The following PCDHGB1 variants were observed in gnomAD, a reference collection of about 807,000 sequenced individuals.
PCDHGB1 encodes protocadherin gamma subfamily B, 1, also known as protocadherin gamma-B1.
A neutral mutation model predicts 56.6 loss-of-function variants in PCDHGB1; 34 were observed. The observed-to-expected ratio is 0.60, with a 90% CI of 0.46 to 0.80. PCDHGB1 has a LOEUF of 0.80. Ranked by LOEUF, PCDHGB1 falls within the 30% of genes least tolerant of loss-of-function variation. The pLI is 0.00. For synonymous variants in PCDHGB1, 561 were observed against 505.9 expected, an observed-to-expected ratio of 1.11 and a Z score of -1.46; for missense variants, 1,278 against 1,204.6, an observed-to-expected ratio of 1.06 and a Z score of -0.90.
At position 141,403,421 on chromosome 5, in the gene PCDHGB1, G is replaced by A. The variant is rs773369451; in HGVS notation, c.2409+50752G>A. ...TGGAGCACGTTATCCACTTCCAGAA[G>A]CTATTGATCCGGATGTTGGCGTGAA... On this transcript the variant is annotated intron_variant, in intron 1 of 3. Coordinates refer to ENST00000523390, the MANE Select transcript of PCDHGB1 (RefSeq NM_018922.3). 11 of 1,614,038 alleles carry A rather than the reference G, an allele frequency of 6.8e-6. No individual in the cohort carries two copies. In the East Asian group the frequency reaches 2.5e-4, roughly 36 times the overall value.
rs537334679 is a variant in PCDHGB1 at position 141,413,479 on chromosome 5, C to G, written c.2409+60810C>G. ...GATAGACCGGGAGGAGCTCTGCGCTCAGAGCGCGCGGTGCGTGGTGAGTTT... is the reference window on the plus strand; with the variant it reads ...GATAGACCGGGAGGAGCTCTGCGCTGAGAGCGCGCGGTGCGTGGTGAGTTT... On this transcript the variant is annotated intron_variant, in intron 1 of 3. Coordinates refer to ENST00000523390, the MANE Select transcript of PCDHGB1 (RefSeq NM_018922.3). 4.3e-6 allele frequency: 7 copies of G among 1,614,084 alleles called. No individual in the cohort carries two copies. In the African/African-American group the frequency reaches 6.7e-5, roughly 15 times the overall value.
At position 141,485,162 on chromosome 5, in the gene PCDHGB1, C is replaced by A. The variant is rs759021453; in HGVS notation, c.2410-9645C>A. The A allele has an allele frequency of 8.7e-6, 14 of 1,602,188 alleles. No individual in the cohort carries two copies. The Admixed American group carries it at 2.0e-4, about 23-fold the overall frequency. ...GTCTCAGGAGCAAGTAGAGAATTAGCGGGCGGCAGCAATGCTCCGCAAGGT... is the reference window on the plus strand; with the variant it reads ...GTCTCAGGAGCAAGTAGAGAATTAGAGGGCGGCAGCAATGCTCCGCAAGGT... On this transcript the variant is annotated intron_variant, in intron 1 of 3. Transcript: ENST00000523390. The surrounding 1 kb of genome is among the most constrained non-coding windows in gnomAD (Gnocchi z 5.7).
intron 1 of PCDHGB1, chr5:141,384,675 G>A: frequency 6.2e-7 from 1 of 1,614,216 alleles, no homozygotes; most frequent in Non-Finnish European, 8.5e-7. Flanking sequence ...CCAAGGTGGT[G>A]GCGGTGGACA....
chr5:141,484,750 G>GTATA (rs545232987), intron 1 of PCDHGB1, among the ~76,000 whole-genome samples: 1 of 149,818 alleles, frequency 6.7e-6, no homozygotes, highest in Non-Finnish European at 1.5e-5. Context: ...GAAAAAAAAT[G>GTATA]TATATATATA....
At chr5:141,409,919 G>T (rs774277848) in intron 1 of PCDHGB1, 1 of 1,613,346 alleles carries the variant, frequency 6.2e-7, no homozygotes, top group Non-Finnish European at 8.5e-7. Context: ...TGACGGCTCC[G>T]CGTTCTTCGA....
intron 3 of PCDHGB1, among the ~76,000 whole-genome samples, chr5:141,507,790 A>C (rs922507228): frequency 5.9e-5 from 9 of 152,188 alleles, no homozygotes; most frequent in Admixed American, 2.6e-4. Context: ...ACCCTCGTCT[A>C]AGCCTGCGCC....
chr5:141,364,403 G>C, intron 1 of PCDHGB1: 6 of 1,608,570 alleles, frequency 3.7e-6, no homozygotes, highest in Non-Finnish European at 5.1e-6. Context: ...GACGCTGTGC[G>C]AGCCAGGATC....
At chr5:141,426,231 C>A in intron 1 of PCDHGB1, 1 of 158,042 alleles carries the variant, frequency 6.3e-6, no homozygotes, top group Non-Finnish European at 1.4e-5. Flanking sequence ...ATTTTAAAAG[C>A]ACTTTGTGAA....
intron 1 of PCDHGB1, chr5:141,420,103 G>C (rs754672450): frequency 4.3e-6 from 7 of 1,613,990 alleles, no homozygotes; most frequent in Non-Finnish European, 2.5e-6. Context: ...AGGGAACGTT[G>C]CCCTATGCCT....
chr5:141,413,387 T>G (rs902208287), intron 1 of PCDHGB1: 1 of 1,613,908 alleles, frequency 6.2e-7, no homozygotes, highest in Non-Finnish European at 8.5e-7. Context: ...GTCCGCATAG[T>G]CTCCAGAGGT....
intron 1 of PCDHGB1, chr5:141,398,604 T>A: frequency 6.2e-7 from 1 of 1,614,048 alleles, no homozygotes; most frequent in Non-Finnish European, 8.5e-7. Flanking sequence ...TAGCAGAAGA[T>A]GCAGATATTG....
chr5:141,371,456 A>T (rs755481962), intron 1 of PCDHGB1: 2 of 1,613,902 alleles, frequency 1.2e-6, no homozygotes, highest in African/African-American at 2.7e-5. Flanking sequence ...CTGAATCCCA[A>T]CATATACAAG....
At chr5:141,395,222 AG>A (rs2093199234) in intron 1 of PCDHGB1, 1 of 1,611,488 alleles carries the variant, frequency 6.2e-7, no homozygotes, top group African/African-American at 1.3e-5. Context: ...ATAAGAATGA[AG>A]CTGATCATGG....
At chr5:141,423,193 T>A in intron 1 of PCDHGB1, 2 of 1,613,564 alleles carry the variant, frequency 1.2e-6, no homozygotes, top group Non-Finnish European at 1.7e-6. Context: ...GCCCCCTCTC[T>A]CGGCCACCGT....
intron 1 of PCDHGB1, among the ~76,000 whole-genome samples, chr5:141,364,008 C>T (rs553317478): frequency 3.3e-5 from 5 of 152,194 alleles, no homozygotes; most frequent in African/African-American, 9.6e-5. Context: ...TCATAAACAA[C>T]GCTACACAGT....
At position 141,491,222 on chromosome 5, in the gene PCDHGB1, C is replaced by A. The variant is rs1185734506; in HGVS notation, c.2410-3585C>A. 6.2e-7 allele frequency: 1 copy of A among 1,614,268 alleles called. No homozygotes were observed. Among genetic ancestry groups the A allele is most frequent in the East Asian group, 2.2e-5 (1 of 44,892 alleles). On this transcript the variant is annotated intron_variant, in intron 1 of 3. Transcript: ENST00000523390. This position sits in a 1 kb window ranked among gnomAD's most constrained non-coding sequence, Gnocchi z 6.9. Reference sequence around the variant, plus strand: ...GACCCTTCACTCTCCTCCACAGCCACAGTGCTGCTGGTTCTGGAGGATGAG... The same window carrying A: ...GACCCTTCACTCTCCTCCACAGCCAAAGTGCTGCTGGTTCTGGAGGATGAG...
At position 141,489,586 on chromosome 5, in the gene PCDHGB1, C is replaced by T; in HGVS notation, c.2410-5221C>T. 1 of 1,614,082 alleles carries T rather than the reference C, an allele frequency of 6.2e-7. No individual in the cohort carries two copies. The highest frequency in any genetic ancestry group is 8.5e-7 in the Non-Finnish European group (1 of 1,179,988). On this transcript the variant is annotated intron_variant, in intron 1 of 3. Coordinates refer to ENST00000523390, the MANE Select transcript of PCDHGB1 (RefSeq NM_018922.3). This position sits in a 1 kb window ranked among gnomAD's most constrained non-coding sequence, Gnocchi z 4.5. ...GGTGGTGACTGAACACCCCCTGGAG[C>T]TAATCCGTGTAGAGGTAGAGATCCT...
chr5:141,455,466 A>G (rs1253494886), intron 1 of PCDHGB1, among the ~76,000 whole-genome samples: 1 of 152,164 alleles, frequency 6.6e-6, no homozygotes, highest in East Asian at 1.9e-4. Flanking sequence ...AGCCAGGTAT[A>G]TATGCAGAGG....
Position 141,351,139 on chromosome 5 carries a change from T to C in PCDHGB1, c.879T>C (p.Asn293=). The change falls in exon 1 of 4, where the codon AAT becomes AAC. Residue 293 remains asparagine, a synonymous_variant. Transcript: ENST00000523390. ...CCAGCCTCTTCAATCTCAATCCAAA[T>C]ACTGGCGACATCACAACCAATGGCA... ...ISTSLFNLNP[N]TGDITTNGTL... is the part of the protein sequence containing the mutation. 6.2e-7 allele frequency: 1 copy of C among 1,613,992 alleles called. No individual in the cohort carries two copies. The highest frequency in any genetic ancestry group is 8.5e-7 in the Non-Finnish European group (1 of 1,179,884).
Sources: gnomAD v4.1 joint callset for allele counts (sites outside exome capture counted in the v4.1 genomes callset) on GRCh38, gnomAD v4.1.1 for gene constraint, Gnocchi (gnomAD v3.1) non-coding constraint, MANE v1.5 for transcripts, NCBI Gene and HGNC (gene_info 2026-07-23, HGNC 2026-07-21) for gene names.